The following SHROOM4 variants were observed in gnomAD, a reference collection of about 807,000 sequenced individuals.
SHROOM4 encodes shroom family member 4.
SHROOM4 carries 17 observed loss-of-function variants against 80.3 expected under a neutral mutation model. The ratio of observed to expected loss-of-function variants is 0.21; its 90% CI spans 0.14 to 0.32. The LOEUF is 0.32. Ranked by LOEUF, SHROOM4 falls within the 10% of genes least tolerant of loss-of-function variation. The pLI is 1.00. For synonymous variants in SHROOM4, 400 were observed against 437.5 expected, an observed-to-expected ratio of 0.91 and a Z score of 1.07; for missense variants, 993 against 1,140.3, an observed-to-expected ratio of 0.87 and a Z score of 1.86.
At chrX:50,652,333 A>G (rs1281271973) in intron 2 of SHROOM4, among the ~76,000 whole-genome samples, 2 of 112,255 alleles carry the variant, frequency 1.8e-5, no homozygotes, top group Non-Finnish European at 3.8e-5. Context: ...CTAATGGCCA[A>G]TGACGATAAG....
In SHROOM4 at chrX:50,595,887, T is replaced by C. The variant is rs1432931942; in HGVS notation, c.*808A>G. 3.0e-6 allele frequency: 1 copy of C among 328,010 alleles called. No homozygotes were observed. The allele number at this position is 328,010 out of a possible 1,213,427, so 27.0% of individuals were successfully genotyped here. A position where few individuals can be genotyped will look rare whatever the true frequency, so the allele number is the denominator to read the frequency against. On this transcript the variant is annotated 3_prime_UTR_variant, in exon 9 of 9. Coordinates refer to ENST00000376020, the MANE Select transcript of SHROOM4 (RefSeq NM_020717.5). ...AACCCCCTCCCCCAATAATGAAACC[T>C]ACATCTAGAAGTCAGTTTTAGTAGA...
At chrX:50,705,855 G>C (rs1444386617) in intron 1 of SHROOM4, among the ~76,000 whole-genome samples, 3 of 110,164 alleles carry the variant, frequency 2.7e-5, no homozygotes, top group African/African-American at 9.9e-5. Flanking sequence ...TTAACATCTG[G>C]TACTAACATT....
Position 50,814,102 on chromosome X carries a change from C to T in SHROOM4, c.-84G>A. On this transcript the variant is annotated 5_prime_UTR_variant, in exon 1 of 9. Coordinates refer to ENST00000376020, the MANE Select transcript of SHROOM4 (RefSeq NM_020717.5). ...CCCCCAGCAGCTCCGCCACCATCGC[C>T]CTCCAGCTCTACGCCACCCCGCACC... The T allele has an allele frequency of 1.5e-6, 1 of 648,107 alleles. No homozygotes were observed. Among genetic ancestry groups the T allele is most frequent in the Admixed American group, 2.6e-5 (1 of 38,973 alleles). The allele number at this position is 648,107 out of a possible 1,213,427, so 53.4% of individuals were successfully genotyped here.
chrX:50,642,798 A>G (rs1931654304), intron 2 of SHROOM4, among the ~76,000 whole-genome samples: 1 of 111,846 alleles, frequency 8.9e-6, no homozygotes. Flanking sequence ...CAAATGGAGA[A>G]CCAGAGATGC....
intron 2 of SHROOM4, among the ~76,000 whole-genome samples, chrX:50,674,402 A>G (rs1932830513): frequency 1.8e-5 from 2 of 111,840 alleles, no homozygotes; most frequent in Non-Finnish European, 3.8e-5. Flanking sequence ...CGAATAGAAA[A>G]CACAGAAATA....
intron 1 of SHROOM4, among the ~76,000 whole-genome samples, chrX:50,727,792 C>A (rs1344947692): frequency 9.0e-6 from 1 of 111,684 alleles, no homozygotes; most frequent in African/African-American, 3.3e-5. Context: ...ATACCCTATA[C>A]CAGGACTTGC....
intron 1 of SHROOM4, among the ~76,000 whole-genome samples, chrX:50,713,638 A>C (rs1291549777): frequency 4.5e-5 from 5 of 112,060 alleles, no homozygotes; most frequent in Non-Finnish European, 7.5e-5. Flanking sequence ...AACAAAAGTA[A>C]AAATAAATTT....
At chrX:50,602,281 G>T (rs59294373) in intron 7 of SHROOM4, among the ~76,000 whole-genome samples, 5,304 of 109,808 alleles carry the variant, frequency 0.048, 337 homozygotes, top group African/African-American at 0.17. Context: ...TAGTAGAGAC[G>T]GGGTTTCACC....
intron 6 of SHROOM4, among the ~76,000 whole-genome samples, chrX:50,606,905 G>C (rs782032232): frequency 1.8e-5 from 2 of 109,680 alleles, no homozygotes; most frequent in East Asian, 5.9e-4. Context: ...AGAAGCCCAG[G>C]CTACTTGTCC....
intron 1 of SHROOM4, among the ~76,000 whole-genome samples, chrX:50,777,240 G>C: frequency 9.0e-6 from 1 of 111,396 alleles, no homozygotes; most frequent in Non-Finnish European, 1.9e-5. Flanking sequence ...GAGCCCAGTG[G>C]GAGTTCACTG....
intron 2 of SHROOM4, among the ~76,000 whole-genome samples, chrX:50,665,580 AGAGCAAACTAGATAT>A (rs1343632556): frequency 5.4e-5 from 6 of 110,307 alleles, no homozygotes; most frequent in Non-Finnish European, 9.5e-5. Flanking sequence ...GGTGCTACAG[AGAGCAAACTAGATAT>A]GAGCAAACTA....
chrX:50,661,611 C>T (rs1488838462), intron 2 of SHROOM4, among the ~76,000 whole-genome samples: 2 of 112,368 alleles, frequency 1.8e-5, no homozygotes, highest in African/African-American at 6.5e-5. Context: ...GACTTCATTA[C>T]GGTTTACTGA....
At chrX:50,758,950 T>C (rs999082882) in intron 1 of SHROOM4, among the ~76,000 whole-genome samples, 1 of 112,175 alleles carries the variant, frequency 8.9e-6, no homozygotes, top group Non-Finnish European at 1.9e-5. Flanking sequence ...CATACAGTTG[T>C]TTGGAGTGCT....
At chrX:50,733,223 T>C (rs1482537341) in intron 1 of SHROOM4, among the ~76,000 whole-genome samples, 2 of 111,990 alleles carry the variant, frequency 1.8e-5, no homozygotes, top group African/African-American at 6.5e-5. Context: ...TTCTTCATGA[T>C]AAAACCCTGA....
intron 1 of SHROOM4, among the ~76,000 whole-genome samples, chrX:50,801,680 A>G (rs1394270790): frequency 8.9e-6 from 1 of 111,766 alleles, no homozygotes; most frequent in African/African-American, 3.3e-5. Flanking sequence ...CCTTACCTCC[A>G]GAAAAGGAGA....
At chrX:50,784,675 A>G (rs1282648534) in intron 1 of SHROOM4, among the ~76,000 whole-genome samples, 1 of 112,542 alleles carries the variant, frequency 8.9e-6, no homozygotes, top group East Asian at 2.8e-4. Context: ...AGAAAATATA[A>G]AAGAAAAATC....
At chrX:50,618,342 T>A (rs1163050322) in intron 5 of SHROOM4, among the ~76,000 whole-genome samples, 1 of 9,509 alleles carries the variant, frequency 1.1e-4, no homozygotes, top group African/African-American at 5.4e-4. Flanking sequence ...CTTCCTTCCT[T>A]CCTTCCTTCC....
intron 1 of SHROOM4, among the ~76,000 whole-genome samples, chrX:50,721,128 G>A (rs1305797147): frequency 2.7e-5 from 3 of 111,324 alleles, no homozygotes; most frequent in African/African-American, 9.8e-5. Flanking sequence ...AATAATCAAG[G>A]CAAGAGTCAA....
chrX:50,667,776 C>G (rs1245586896), intron 2 of SHROOM4, among the ~76,000 whole-genome samples: 2 of 111,129 alleles, frequency 1.8e-5, no homozygotes, highest in Non-Finnish European at 1.9e-5. Context: ...AGGAATGACA[C>G]AGTGATAAGG....
Sources: gnomAD v4.1 joint callset for allele counts (sites outside exome capture counted in the v4.1 genomes callset) on GRCh38, gnomAD v4.1.1 for gene constraint, MANE v1.5 for transcripts, NCBI Gene and HGNC (gene_info 2026-07-23, HGNC 2026-07-21) for gene names.